NEK7: variants seen among roughly 807,000 people sequenced by gnomAD.
The protein encoded by NEK7 is serine/threonine-protein kinase Nek7.
A neutral mutation model predicts 44.6 loss-of-function variants in NEK7; 18 were observed. That is an observed-to-expected ratio of 0.40 (90% CI 0.28 to 0.60). The LOEUF is 0.60. Ranked by LOEUF, NEK7 falls within the 20% of genes least tolerant of loss-of-function variation. The pLI, the probability that NEK7 is intolerant of heterozygous loss-of-function variation, is 0.38. For missense variants in NEK7, 256 were observed against 366.5 expected, an observed-to-expected ratio of 0.70 and a Z score of 2.46; for synonymous variants, 130 against 121.1, an observed-to-expected ratio of 1.07 and a Z score of -0.48.
chr1:198,208,467 C>T (rs1040048328), intron 1 of NEK7: 1 of 152,140 alleles, frequency 6.6e-6, no homozygotes. Context: ...ACCTTGACCT[C>T]CCAAGCTCAT....
At chr1:198,221,011 A>G (rs1666065066) in intron 1 of NEK7, 2 of 152,266 alleles carry the variant, frequency 1.3e-5, no homozygotes, top group Admixed American at 6.5e-5. Flanking sequence ...AAAGGAAACT[A>G]TTAATAAGCT....
chr1:198,309,637 C>A (rs367775511), intron 9 of NEK7, among the ~76,000 whole-genome samples: 1 of 146,786 alleles, frequency 6.8e-6, no homozygotes, highest in East Asian at 2.1e-4. Context: ...TGTTCCCCTT[C>A]CTGTGTCCAT....
In NEK7 at chr1:198,319,758, G is replaced by T; in HGVS notation, c.*236G>T. ...GTTAGGAGAGAAAATGAAACATGATGGTTTTGAATGGCTAAAGGTTTATAG... is the reference window on the plus strand; with the variant it reads ...GTTAGGAGAGAAAATGAAACATGATTGTTTTGAATGGCTAAAGGTTTATAG... On this transcript the variant is annotated 3_prime_UTR_variant, in exon 10 of 10. Transcript: ENST00000367385. 1 of 378,322 alleles carries T rather than the reference G, an allele frequency of 2.6e-6. No individual in the cohort carries two copies. 23.4% of individuals were successfully genotyped at this position (378,322 alleles called of 1,614,324 possible).
chr1:198,309,600 C>A (rs572054870), intron 9 of NEK7, among the ~76,000 whole-genome samples: 14 of 151,876 alleles, frequency 9.2e-5, no homozygotes, highest in East Asian at 3.9e-4. Flanking sequence ...CTCCTCCCCC[C>A]ACCCCACAAC....
At position 198,274,541 on chromosome 1, in the gene NEK7, A is replaced by G. The variant is rs139681318; in HGVS notation, c.373-3420A>G. ...TAAATGTTTTGATATGCCACAGAGA[A>G]TAGTAATTTTTTTGTAAAATAAGAT... On this transcript the variant is annotated intron_variant, in intron 5 of 9. Transcript: ENST00000367385. Among the ~76,000 whole-genome samples, 514 of 151,860 alleles carry G rather than the reference A, an allele frequency of 3.4e-3. 2 individuals carry two copies. The highest frequency in any genetic ancestry group is 0.012 in the African/African-American group (482 of 41,504).
At chr1:198,256,517 T>C in intron 3 of NEK7, 1 of 1,538,286 alleles carries the variant, frequency 6.5e-7, no homozygotes. Context: ...TAAAACAATT[T>C]TGAAATTCTC....
intron 8 of NEK7, among the ~76,000 whole-genome samples, chr1:198,294,445 T>C (rs1654652739): frequency 6.6e-6 from 1 of 152,102 alleles, no homozygotes; most frequent in Admixed American, 6.5e-5. Flanking sequence ...TAGATTCCTT[T>C]AGGCCATAGT....
intron 9 of NEK7, among the ~76,000 whole-genome samples, chr1:198,308,594 GTCTT>G (rs1655083344): frequency 6.6e-6 from 1 of 152,182 alleles, no homozygotes; most frequent in Admixed American, 6.5e-5. Flanking sequence ...CTTTTTGTCT[GTCTT>G]TGTACCAAGA....
chr1:198,196,670 G>A lies in NEK7; in HGVS notation c.-28-35883G>A, dbSNP rs141249047. Among the ~76,000 whole-genome samples the A allele has an allele frequency of 4.3e-4, 66 of 152,294 alleles. No individual in the cohort carries two copies. In the East Asian group the frequency reaches 4.6e-3, roughly 11 times the overall value. On this transcript the variant is annotated intron_variant, in intron 1 of 9. Coordinates refer to ENST00000367385, the MANE Select transcript of NEK7 (RefSeq NM_133494.3). ...AAACCTGGCTGCTTTAGCTTGAGGC[G>A]TCATATCCACATGGTGGGCTGGGAG...
intron 1 of NEK7, among the ~76,000 whole-genome samples, chr1:198,223,572 C>T (rs1049833211): frequency 3.9e-5 from 6 of 152,054 alleles, no homozygotes; most frequent in Admixed American, 2.6e-4. Context: ...GAGTAGCTAC[C>T]GTTTTCATGG....
chr1:198,240,602 C>T (rs150554741), intron 2 of NEK7, among the ~76,000 whole-genome samples: 1 of 151,678 alleles, frequency 6.6e-6, no homozygotes, highest in African/African-American at 2.4e-5. Context: ...ATTCTTTAGA[C>T]CCAAGTGTTT....
chr1:198,229,954 A>G (rs936031844), intron 1 of NEK7, among the ~76,000 whole-genome samples: 4 of 152,190 alleles, frequency 2.6e-5, no homozygotes, highest in Admixed American at 6.5e-5. Flanking sequence ...AACCTAGTAC[A>G]GAATTTCTCA....
intron 1 of NEK7, among the ~76,000 whole-genome samples, chr1:198,208,352 G>T (rs891920025): frequency 6.6e-6 from 1 of 152,026 alleles, no homozygotes; most frequent in African/African-American, 2.4e-5. Context: ...TTAATTTTAG[G>T]GTTTGAATAA....
chr1:198,212,602 G>A (rs537294194), intron 1 of NEK7, among the ~76,000 whole-genome samples: 1 of 152,296 alleles, frequency 6.6e-6, no homozygotes, highest in East Asian at 1.9e-4. Flanking sequence ...GCCAGAGCAT[G>A]GACTTGCCTG....
intron 1 of NEK7, among the ~76,000 whole-genome samples, chr1:198,198,694 C>G (rs1236887930): frequency 6.6e-6 from 1 of 152,176 alleles, no homozygotes; most frequent in African/African-American, 2.4e-5. Flanking sequence ...TGCTTTCTAA[C>G]TGTGAGGAAG....
At position 198,240,462 on chromosome 1, in the gene NEK7, T is replaced by G. The variant is rs1221285294; in HGVS notation, c.57+7825T>G. On this transcript the variant is annotated intron_variant, in intron 2 of 9. Transcript: ENST00000367385. ...AAAATAGTCTTCCGTCTTCCAACTT[T>G]ATTTGAAACAGTTTAAGACAGAGTG... 3.3e-5 allele frequency among the ~76,000 whole-genome samples: 5 copies of G among 149,292 alleles called. No individual in the cohort carries two copies. The East Asian group carries it at 6.0e-4, about 18-fold the overall frequency.
At chr1:198,195,906 T>A (rs2102778421) in intron 1 of NEK7, among the ~76,000 whole-genome samples, 1 of 152,368 alleles carries the variant, frequency 6.6e-6, no homozygotes, top group Non-Finnish European at 1.5e-5. Flanking sequence ...CATTTATTAA[T>A]CTGTATTTAA....
chr1:198,203,843 T>TTG (rs370441608), intron 1 of NEK7, among the ~76,000 whole-genome samples: 3 of 151,934 alleles, frequency 2.0e-5, no homozygotes, highest in Admixed American at 1.3e-4. Context: ...CATTTTTTTT[T>TTG]TGTGTGTGTG....
chr1:198,159,466 G>A (rs1337017237), intron 1 of NEK7, among the ~76,000 whole-genome samples: 4 of 152,224 alleles, frequency 2.6e-5, no homozygotes, highest in Non-Finnish European at 4.4e-5. Context: ...CCATGTGACT[G>A]AGGCGGGTTT....
Sources: gnomAD v4.1 joint callset for allele counts (sites outside exome capture counted in the v4.1 genomes callset) on GRCh38, gnomAD v4.1.1 for gene constraint, MANE v1.5 for transcripts, NCBI Gene and HGNC (gene_info 2026-07-23, HGNC 2026-07-21) for gene names.